CDH18: variants seen among roughly 807,000 people sequenced by gnomAD.
CDH18 encodes the protein cadherin-18.
In CDH18, 31 loss-of-function variants were observed where a neutral mutation model predicts 67.9. That is an observed-to-expected ratio of 0.46 (90% confidence interval 0.34 to 0.62). The LOEUF is 0.62. Ranked by LOEUF, CDH18 falls within the 20% of genes least tolerant of loss-of-function variation. The probability of loss-of-function intolerance (pLI) is 0.01; values close to 1 mark genes in which losing one functional copy is unlikely to be tolerated. For missense variants in CDH18, 890 were observed against 975.5 expected (o/e 0.91, Z 1.17); for synonymous variants, 362 against 347.2 (o/e 1.04, Z -0.48).
intron 2 of CDH18, among the ~76,000 whole-genome samples, chr5:19,852,307 G>T (rs1312473477): frequency 6.6e-6 from 1 of 152,026 alleles, no homozygotes; most frequent in Admixed American, 6.6e-5. Flanking sequence ...CAACTGCTCA[G>T]TATGAATAAC....
chr5:20,338,719 G>A, intron 1 of CDH18, among the ~76,000 whole-genome samples: 1 of 152,266 alleles, frequency 6.6e-6, no homozygotes, highest in East Asian at 1.9e-4. Context: ...GTGATGTCTT[G>A]ATTTTACCCA....
At chr5:19,915,154 T>G (rs1435686100) in intron 2 of CDH18, among the ~76,000 whole-genome samples, 1 of 152,168 alleles carries the variant, frequency 6.6e-6, no homozygotes, top group African/African-American at 2.4e-5. Flanking sequence ...AATCTGTCTT[T>G]GATTTCTTAG....
At chr5:20,096,271 T>C (rs1044920456) in intron 2 of CDH18, among the ~76,000 whole-genome samples, 2 of 152,132 alleles carry the variant, frequency 1.3e-5, no homozygotes, top group African/African-American at 4.8e-5. Context: ...ACCAAAAATA[T>C]CTTTAAATAT....
intron 2 of CDH18, among the ~76,000 whole-genome samples, chr5:19,860,812 A>G (rs1320999662): frequency 1.3e-5 from 2 of 152,084 alleles, no homozygotes; most frequent in Non-Finnish European, 2.9e-5. Context: ...ACATAACCGA[A>G]AATATTCTTC....
chr5:20,386,299 G>A (rs1026212984), intron 1 of CDH18, among the ~76,000 whole-genome samples: 8 of 152,090 alleles, frequency 5.3e-5, no homozygotes, highest in Admixed American at 4.6e-4. Context: ...AGTCTATTGC[G>A]ATTTGCCACA....
intron 2 of CDH18, among the ~76,000 whole-genome samples, chr5:19,972,158 T>C (rs369847310): frequency 3.2e-5 from 4 of 126,774 alleles, no homozygotes; most frequent in East Asian, 3.9e-4. Flanking sequence ...ATGAACAAAT[T>C]GAATGAGTTT....
At chr5:19,965,522 T>C (rs938841087) in intron 2 of CDH18, among the ~76,000 whole-genome samples, 6 of 152,232 alleles carry the variant, frequency 3.9e-5, no homozygotes, top group Non-Finnish European at 1.5e-5. Context: ...CAGATAATTA[T>C]AATTTGTAGA....
chr5:19,670,780 T>C (rs1331229785), intron 5 of CDH18, among the ~76,000 whole-genome samples: 10 of 151,970 alleles, frequency 6.6e-5, no homozygotes, highest in African/African-American at 1.7e-4. Context: ...AAATGACAAA[T>C]GACCATTAAT....
At chr5:20,014,572 A>G (rs1380951779) in intron 2 of CDH18, among the ~76,000 whole-genome samples, 2 of 152,144 alleles carry the variant, frequency 1.3e-5, no homozygotes, top group Non-Finnish European at 2.9e-5. Flanking sequence ...AAGCAAGACA[A>G]AACAAAACAA....
intron 1 of CDH18, among the ~76,000 whole-genome samples, chr5:20,448,734 T>C (rs1750200179): frequency 6.6e-6 from 1 of 151,952 alleles, no homozygotes. Flanking sequence ...ACCAGAGAGG[T>C]ATAAACAGAC....
At chr5:19,883,028 G>C (rs1488573979) in intron 2 of CDH18, among the ~76,000 whole-genome samples, 2 of 152,074 alleles carry the variant, frequency 1.3e-5, no homozygotes, top group Non-Finnish European at 2.9e-5. Context: ...GTGTGGTTGG[G>C]CTTTTCAAGG....
At chr5:19,749,259 T>C (rs1315196617) in intron 3 of CDH18, among the ~76,000 whole-genome samples, 1 of 151,914 alleles carries the variant, frequency 6.6e-6, no homozygotes, top group African/African-American at 2.4e-5. Context: ...TCTAAAACCT[T>C]TTCTAGAATA....
chr5:20,381,694 C>T (rs1178499848), intron 1 of CDH18, among the ~76,000 whole-genome samples: 1 of 151,978 alleles, frequency 6.6e-6, no homozygotes, highest in Non-Finnish European at 1.5e-5. Context: ...ATGAGAGTCT[C>T]CAGAGAGAAG....
chr5:19,779,263 C>T (rs973442146), intron 3 of CDH18, among the ~76,000 whole-genome samples: 25 of 152,010 alleles, frequency 1.6e-4, no homozygotes, highest in Non-Finnish European at 3.1e-4. Flanking sequence ...AGAATAATCA[C>T]TGAATATAAG....
At chr5:19,529,725 A>T (rs554437651) in intron 9 of CDH18, among the ~76,000 whole-genome samples, 7 of 152,232 alleles carry the variant, frequency 4.6e-5, no homozygotes, top group African/African-American at 1.7e-4. Flanking sequence ...ATGAATAAAC[A>T]TGAAAACAAA....
At position 19,848,048 on chromosome 5, in the gene CDH18, T is replaced by C. The variant is rs543530374; in HGVS notation, c.-256-8806A>G. 5.3e-5 allele frequency: 8 copies of C among 152,286 alleles called. No individual in the cohort carries two copies. The South Asian group carries it at 1.7e-3, about 32-fold the overall frequency. 9.4% of individuals were successfully genotyped at this position (152,286 alleles called of 1,614,324 possible). A position where few individuals can be genotyped will look rare whatever the true frequency, so the allele number is the denominator to read the frequency against. ...CTTGATAAGGGTAGAATATTTGACA[T>C]ACTCTTTACTCTTCTCTTTATCCCT... On this transcript the variant is annotated intron_variant, in intron 2 of 12. Transcript: ENST00000382275.
chr5:19,630,744 G>A (rs1014776332), intron 5 of CDH18, among the ~76,000 whole-genome samples: 1 of 152,112 alleles, frequency 6.6e-6, no homozygotes, highest in Non-Finnish European at 1.5e-5. Flanking sequence ...AATGCAGACT[G>A]AATAGAATGA....
chr5:19,774,124 G>A (rs1774020903), intron 3 of CDH18, among the ~76,000 whole-genome samples: 1 of 152,116 alleles, frequency 6.6e-6, no homozygotes, highest in South Asian at 2.1e-4. Flanking sequence ...TGATGAAAAA[G>A]CTAGCATAGA....
At chr5:20,335,250 T>C (rs1173921710) in intron 1 of CDH18, among the ~76,000 whole-genome samples, 1 of 152,138 alleles carries the variant, frequency 6.6e-6, no homozygotes, top group Admixed American at 6.5e-5. Context: ...TAAGTCTCTA[T>C]TCCCCCAGGA....
Sources: allele counts gnomAD v4.1 joint callset (sites outside exome capture counted in the v4.1 genomes callset), GRCh38; gene constraint gnomAD v4.1.1; transcripts MANE v1.5; gene names NCBI Gene and HGNC (gene_info 2026-07-23, HGNC 2026-07-21).